Variants in EYA3 observed in about 807,000 individuals in gnomAD.
EYA3 encodes EYA transcriptional coactivator and phosphatase 3.
In EYA3, 39 loss-of-function variants were observed where a neutral mutation model predicts 80.0. The observed-to-expected ratio is 0.49, with a 90% CI of 0.38 to 0.64. The LOEUF (loss-of-function observed/expected upper bound fraction) is 0.64. Among genes scored for constraint, EYA3 ranks in the 30% least tolerant of loss-of-function variants. The pLI is 0.00. For missense variants in EYA3, 523 were observed against 676.1 expected (o/e 0.77, Z 2.51); for synonymous variants, 206 against 232.8 (o/e 0.88, Z 1.05).
At position 28,077,244 on chromosome 1, in the gene EYA3, C is replaced by T. The variant is rs185089991; in HGVS notation, c.-69+11280G>A. ...TCAGCCTCCTGAGTAGCTGGGATTA[C>T]AGGTGTGCATGACCATACCCAGCTA... On this transcript the variant is annotated intron_variant, in intron 1 of 17. Transcript: ENST00000373871. 7.0e-3 allele frequency among the ~76,000 whole-genome samples: 1,063 copies of T among 151,684 alleles called. 8 individuals are homozygous for T. The highest frequency in any genetic ancestry group is 0.019 in the South Asian group (91 of 4,808).
At chr1:27,991,712 T>C (rs1640077747) in intron 14 of EYA3, among the ~76,000 whole-genome samples, 1 of 151,946 alleles carries the variant, frequency 6.6e-6, no homozygotes, top group South Asian at 2.1e-4. Flanking sequence ...ATATATGATA[T>C]ACTCAACTAA....
rs544222513 is a variant in EYA3, at chr1:27,976,990, T to C, written c.1641+1384A>G. On this transcript the variant is annotated intron_variant, in intron 17 of 17. Transcript: ENST00000373871. Reference sequence around the variant, plus strand: ...GCCTCAGCCTCCCCAAGTGCTAGGATTATAGGCATGAGCCACCGTGCCCAG... The same window carrying C: ...GCCTCAGCCTCCCCAAGTGCTAGGACTATAGGCATGAGCCACCGTGCCCAG... The C allele has an allele frequency of 1.6e-5, 16 of 983,982 alleles. No homozygotes were observed. The South Asian group carries it at 4.2e-4, about 26-fold the overall frequency. The allele number at this position is 983,982 out of a possible 1,614,324, so 61.0% of individuals were successfully genotyped here.
At chr1:28,085,758 T>C (rs1645628874) in intron 1 of EYA3, among the ~76,000 whole-genome samples, 1 of 148,168 alleles carries the variant, frequency 6.7e-6, no homozygotes, top group Non-Finnish European at 1.5e-5. Context: ...AAGCTGTCTC[T>C]GGGTTTGTTT....
rs1641816129 is a variant in EYA3 at position 28,013,246 on chromosome 1, A to T, written c.634T>A (p.Tyr212Asn). Residue 212 changes from tyrosine to asparagine, a missense_variant, in exon 9 of 18, where the codon TAC (tyrosine) becomes AAC (asparagine). Tyr to Asn is a moderately radical substitution (Grantham distance 143). This residue lies in a region of EYA3 where 304 missense variants were observed against 343.3 expected (regional missense o/e 0.89). Transcript: ENST00000373871. This position sits in a 1 kb window ranked among gnomAD's most constrained non-coding sequence, Gnocchi z 4.0. ...ILGQNQYQAC[Y>N]PSSSFGVTGQ... is the part of the protein sequence containing the mutation. ...GTGACTCCAAAGCTGGAGCTGGGGT[A>T]GCAGGCCTGGTACTGATTCTGACCA... 1.2e-6 allele frequency: 2 copies of T among 1,614,188 alleles called. No individual in the cohort carries two copies. Among genetic ancestry groups the T allele is most frequent in the Non-Finnish European group, 1.7e-6 (2 of 1,180,004 alleles).
intron 2 of EYA3, among the ~76,000 whole-genome samples, chr1:28,055,131 A>G (rs1211505566): frequency 6.6e-6 from 1 of 152,222 alleles, no homozygotes; most frequent in East Asian, 1.9e-4. Context: ...TATATGACGG[A>G]AAGCTGGAAA....
chr1:28,080,327 C>T (rs1645376279), intron 1 of EYA3, among the ~76,000 whole-genome samples: 1 of 151,908 alleles, frequency 6.6e-6, no homozygotes, highest in Non-Finnish European at 1.5e-5. Context: ...CATGGTGGCA[C>T]ACACCTGTAG....
At chr1:28,043,344 A>C (rs908470786) in intron 3 of EYA3, among the ~76,000 whole-genome samples, 3 of 142,860 alleles carry the variant, frequency 2.1e-5, no homozygotes, top group Non-Finnish European at 4.7e-5. Flanking sequence ...AAAAAAAAAA[A>C]AACGTGAAAA....
chr1:27,985,847 G>A (rs1317506817), intron 16 of EYA3, among the ~76,000 whole-genome samples: 1 of 152,078 alleles, frequency 6.6e-6, no homozygotes, highest in Non-Finnish European at 1.5e-5. Context: ...CTCCCAAAGT[G>A]CTGAGATTAC....
At chr1:28,014,219 C>A (rs750162238) in intron 8 of EYA3, among the ~76,000 whole-genome samples, 17 of 151,838 alleles carry the variant, frequency 1.1e-4, no homozygotes, top group Non-Finnish European at 2.4e-4. Flanking sequence ...GAGTTTGAGA[C>A]CAGCCTAGCC....
chr1:28,070,148 C>G (rs917835406), intron 1 of EYA3, among the ~76,000 whole-genome samples: 1 of 152,158 alleles, frequency 6.6e-6, no homozygotes, highest in Non-Finnish European at 1.5e-5. Flanking sequence ...ATACAAATAG[C>G]AAAGTTTATG....
At chr1:28,065,338 T>A (rs1644794575) in intron 1 of EYA3, among the ~76,000 whole-genome samples, 1 of 152,058 alleles carries the variant, frequency 6.6e-6, no homozygotes, top group Non-Finnish European at 1.5e-5. Context: ...AGTGGTGAGA[T>A]CTCAGCTCAC....
rs1641676037 is a variant in EYA3 at position 28,011,233 on chromosome 1, A to T, written c.770-147T>A. The T allele has an allele frequency of 3.2e-5, 26 of 805,534 alleles. No homozygotes were observed. In the South Asian group the frequency reaches 4.5e-4, roughly 14 times the overall value. The allele number at this position is 805,534 out of a possible 1,614,324, so 49.9% of individuals were successfully genotyped here. The stretch of plus-strand genomic sequence containing the variant: ...CTAAACCTTATGTAAGCAATTATGA[A>T]GTGTACATCTAGGCATTGAGCATCA... On this transcript the variant is annotated intron_variant, in intron 9 of 17. Coordinates refer to ENST00000373871, the MANE Select transcript of EYA3 (RefSeq NM_001990.4).
chr1:28,041,173 G>A (rs1643756433), intron 4 of EYA3, among the ~76,000 whole-genome samples: 2 of 152,090 alleles, frequency 1.3e-5, no homozygotes, highest in Admixed American at 6.5e-5. Flanking sequence ...AGACCAGCCT[G>A]GCCAACATGG....
chr1:27,998,292 C>T (rs1002424419), intron 12 of EYA3: 3 of 985,134 alleles, frequency 3.0e-6, no homozygotes, highest in Non-Finnish European at 3.6e-6. Flanking sequence ...ACCTGGGGGG[C>T]AGGAACACAT....
chr1:28,085,767 T>C (rs1438888804), intron 1 of EYA3, among the ~76,000 whole-genome samples: 1 of 152,012 alleles, frequency 6.6e-6, no homozygotes, highest in Non-Finnish European at 1.5e-5. Context: ...CTGGGTTTGT[T>C]TGTTTGTTTG....
chr1:27,970,399 A>G lies in EYA3; in HGVS notation c.*4067T>C, dbSNP rs1638686940. The G allele has an allele frequency of 6.6e-6, 1 of 152,230 alleles. No homozygotes were observed. Among genetic ancestry groups the G allele is most frequent in the Non-Finnish European group, 1.5e-5 (1 of 68,034 alleles). 9.4% of individuals were successfully genotyped at this position (152,230 alleles called of 1,614,324 possible). ...GTTTATAAGATAGTTCCCATTACAT[A>G]TAACATTACGGTCACGGATTCTACA... On this transcript the variant is annotated 3_prime_UTR_variant, in exon 18 of 18. Transcript: ENST00000373871.
In EYA3 at chr1:28,013,099, T is replaced by G. The variant is rs758822139; in HGVS notation, c.769+12A>C. 1.2e-6 allele frequency: 2 copies of G among 1,606,722 alleles called. No homozygotes were observed. Among genetic ancestry groups the G allele is most frequent in the South Asian group, 1.1e-5 (1 of 90,096 alleles). ...GACCTTAAGCCAAAGTTTTCAGAGC[T>G]GCGGTGCTTACCAGAGGAAAGTCTC... On this transcript the variant is annotated intron_variant, in intron 9 of 17. Coordinates refer to ENST00000373871, the MANE Select transcript of EYA3 (RefSeq NM_001990.4). The surrounding 1 kb of genome is among the most constrained non-coding windows in gnomAD (Gnocchi z 4.0).
At chr1:28,085,219 G>A (rs1257569604) in intron 1 of EYA3, among the ~76,000 whole-genome samples, 2 of 152,142 alleles carry the variant, frequency 1.3e-5, no homozygotes, top group Non-Finnish European at 2.9e-5. Flanking sequence ...GAGAGCCCGA[G>A]GCAGGCAGAT....
chr1:28,009,417 C>T lies in EYA3; in HGVS notation c.909+1530G>A, dbSNP rs1471018227. On this transcript the variant is annotated intron_variant, in intron 10 of 17. Transcript: ENST00000373871. The surrounding 1 kb of genome is among the most constrained non-coding windows in gnomAD (Gnocchi z 4.8). ...CTGTAATCCCAGCACTATGGGAGGCCGAGGCAGGCGGATCACGAGGTCAGG... is the reference window on the plus strand; with the variant it reads ...CTGTAATCCCAGCACTATGGGAGGCTGAGGCAGGCGGATCACGAGGTCAGG... 6.6e-6 allele frequency among the ~76,000 whole-genome samples: 1 copy of T among 151,926 alleles called. No homozygotes were observed. Among genetic ancestry groups the T allele is most frequent in the Non-Finnish European group, 1.5e-5 (1 of 67,976 alleles).
Sources: allele counts gnomAD v4.1 joint callset (sites outside exome capture counted in the v4.1 genomes callset), GRCh38; gene constraint gnomAD v4.1.1; regional missense constraint gnomAD v4.1.1; non-coding constraint Gnocchi (gnomAD v3.1); transcripts MANE v1.5; gene names NCBI Gene and HGNC (gene_info 2026-07-23, HGNC 2026-07-21).